NPAS2: variants seen among roughly 807,000 people sequenced by gnomAD.
NPAS2 encodes neuronal PAS domain-containing protein 2.
NPAS2 carries 23 observed loss-of-function variants against 107.5 expected under a neutral mutation model. That is an observed-to-expected ratio of 0.21 (90% CI 0.15 to 0.30). NPAS2 has a LOEUF of 0.30. Ranked by LOEUF, NPAS2 falls within the 10% of genes least tolerant of loss-of-function variation. The pLI, the probability that NPAS2 is intolerant of heterozygous loss-of-function variation, is 1.00. For missense variants in NPAS2, 756 were observed against 1,043.3 expected (o/e 0.72, Z 3.79); for synonymous variants, 403 against 417.5 (o/e 0.97, Z 0.42).
chr2:100,959,894 A>G (rs926910384), intron 7 of NPAS2, among the ~76,000 whole-genome samples: 7 of 152,226 alleles, frequency 4.6e-5, no homozygotes, highest in African/African-American at 1.7e-4. Context: ...AGAGCCAGAC[A>G]TCTTTCTCCA....
At chr2:100,900,901 C>A (rs1310257439) in intron 1 of NPAS2, among the ~76,000 whole-genome samples, 2 of 148,296 alleles carry the variant, frequency 1.3e-5, no homozygotes. Flanking sequence ...TCTTCTTTTT[C>A]CTTTTTGTGG....
At chr2:100,945,358 G>A (rs901567242) in intron 5 of NPAS2, among the ~76,000 whole-genome samples, 1 of 152,156 alleles carries the variant, frequency 6.6e-6, no homozygotes, top group Admixed American at 6.5e-5. Context: ...GCTGGCACAT[G>A]GCGGCCCTCA....
chr2:100,949,155 C>T (rs1675075658), intron 6 of NPAS2, among the ~76,000 whole-genome samples: 1 of 152,162 alleles, frequency 6.6e-6, no homozygotes, highest in African/African-American at 2.4e-5. Flanking sequence ...TAATTGGGTC[C>T]ATGTATGGAA....
At chr2:100,907,879 G>A (rs777557526) in intron 2 of NPAS2, among the ~76,000 whole-genome samples, 5 of 152,106 alleles carry the variant, frequency 3.3e-5, no homozygotes, top group Non-Finnish European at 7.4e-5. Context: ...CAGGGAAGAC[G>A]CAAAAATATA....
rs557325712 is a variant in NPAS2, at chr2:100,990,801, C to A, written c.2040C>A (p.Ile680=). ...RQLRLLLSQP[I]QPMMPGSCDA... ...AAAGGCTGTTGCTGAGCCAGCCCAT[C>A]CAGCCCATGATGCCCGGGTCCTGTG... is the stretch of plus-strand genomic sequence containing the variant. Residue 680 remains isoleucine, a synonymous_variant, in exon 19 of 21, where the codon ATC becomes ATA. Coordinates refer to ENST00000335681, the MANE Select transcript of NPAS2 (RefSeq NM_002518.4). 8 of 1,614,234 alleles carry A rather than the reference C, an allele frequency of 5.0e-6. No homozygotes were observed. The East Asian group carries it at 1.3e-4, about 27-fold the overall frequency.
chr2:100,966,568 T>G (rs1676223659), intron 10 of NPAS2, among the ~76,000 whole-genome samples: 2 of 151,390 alleles, frequency 1.3e-5, no homozygotes, highest in African/African-American at 4.9e-5. Flanking sequence ...ATGCCTCACC[T>G]GTAGTACCCA....
chr2:100,966,693 A>G (rs759345647), intron 10 of NPAS2, among the ~76,000 whole-genome samples: 1 of 150,806 alleles, frequency 6.6e-6, no homozygotes, highest in Non-Finnish European at 1.5e-5. Context: ...TTCTGGGTTC[A>G]AGCAATTCTC....
intron 1 of NPAS2, among the ~76,000 whole-genome samples, chr2:100,840,873 T>C (rs1032104728): frequency 1.3e-5 from 2 of 152,128 alleles, no homozygotes; most frequent in South Asian, 4.1e-4. Flanking sequence ...CGTCTAAAAA[T>C]AAGCACGAGG....
At chr2:100,925,330 C>G (rs751120831) in intron 3 of NPAS2, 36 bp downstream of exon 3, 11 of 1,605,902 alleles carry the variant, frequency 6.8e-6, no homozygotes, top group Admixed American at 1.7e-5. Flanking sequence ...TTTTTCCACC[C>G]TGCCCCGTCC....
At chr2:100,960,006 CT>C (rs1209466221) in intron 7 of NPAS2, among the ~76,000 whole-genome samples, 1 of 152,212 alleles carries the variant, frequency 6.6e-6, no homozygotes, top group Non-Finnish European at 1.5e-5. Flanking sequence ...CACCTGAGAT[CT>C]TCCTGCCCTC....
At chr2:100,850,681 G>A (rs1459528054) in intron 1 of NPAS2, among the ~76,000 whole-genome samples, 3 of 152,072 alleles carry the variant, frequency 2.0e-5, no homozygotes, top group South Asian at 2.1e-4. Flanking sequence ...GGCCAGGTAC[G>A]GTGGCTCATG....
At chr2:100,970,968 G>A (rs752576551) in intron 11 of NPAS2, 22 bp from the exon 12 acceptor site, 2 of 1,610,234 alleles carry the variant, frequency 1.2e-6, no homozygotes, top group Non-Finnish European at 1.7e-6. Flanking sequence ...TCTCCACTGT[G>A]GTCTCTTAAT....
chr2:100,983,891 G>A (rs1677622447), intron 16 of NPAS2: 1 of 152,216 alleles, frequency 6.6e-6, no homozygotes, highest in East Asian at 1.9e-4. Flanking sequence ...TAACAGGAAG[G>A]GGGAAATCGA....
chr2:100,890,802 A>G (rs191798611), intron 1 of NPAS2, among the ~76,000 whole-genome samples: 41 of 152,248 alleles, frequency 2.7e-4, no homozygotes, highest in Non-Finnish European at 4.6e-4. Flanking sequence ...GTGCTGTCCC[A>G]TCTGCTCCCT....
chr2:100,982,440 T>A, intron 16 of NPAS2, 63 bp downstream of exon 16: 1 of 1,580,058 alleles, frequency 6.3e-7, no homozygotes. Flanking sequence ...CCTGCCGCCA[T>A]TTCCGGGCAG....
intron 7 of NPAS2, among the ~76,000 whole-genome samples, chr2:100,955,671 T>C (rs373690908): frequency 2.0e-5 from 3 of 152,264 alleles, no homozygotes; most frequent in East Asian, 3.9e-4. Flanking sequence ...GCCTTGTGAT[T>C]TGTCCACACT....
chr2:100,934,885 C>T (rs1294542125), intron 4 of NPAS2: 3 of 985,386 alleles, frequency 3.0e-6, no homozygotes, highest in Non-Finnish European at 3.6e-6. Context: ...TGTGAAGAAT[C>T]CAGGTGCCAT....
intron 5 of NPAS2, among the ~76,000 whole-genome samples, chr2:100,947,546 C>G: frequency 7.8e-6 from 1 of 128,118 alleles, no homozygotes. Context: ...GAGCAACACT[C>G]TGTCTCAAAA....
At chr2:100,831,841 C>G in intron 1 of NPAS2, among the ~76,000 whole-genome samples, 1 of 152,012 alleles carries the variant, frequency 6.6e-6, no homozygotes, top group East Asian at 1.9e-4. Flanking sequence ...TTCAAGGTGG[C>G]CTTGATGAAA....
Sources: allele counts gnomAD v4.1 joint callset (sites outside exome capture counted in the v4.1 genomes callset), GRCh38; gene constraint gnomAD v4.1.1; transcripts MANE v1.5; gene names NCBI Gene and HGNC (gene_info 2026-07-23, HGNC 2026-07-21).